Variants in SRD5A2 observed in about 807,000 individuals in gnomAD.
SRD5A2 encodes the protein 3-oxo-5-alpha-steroid 4-dehydrogenase 2.
Under a neutral mutation model 27.4 loss-of-function variants are expected in SRD5A2, and 30 were observed. The observed-to-expected ratio is 1.10, with a 90% CI of 0.82 to 1.49. SRD5A2 has a LOEUF of 1.49. Ranked by LOEUF, SRD5A2 falls within the 40% of genes most tolerant of loss-of-function variation. The pLI is 0.00. For synonymous variants in SRD5A2, 141 were observed against 133.6 expected (o/e 1.06, Z -0.38); for missense variants, 348 against 323.4 (o/e 1.08, Z -0.58).
At chr2:31,626,938 A>T in the SRD5A2 span, among the ~76,000 whole-genome samples, 2 of 152,152 alleles carry the variant, frequency 1.3e-5, no homozygotes. Flanking sequence ...GAATGGTACT[A>T]GCTCCTCTTT....
chr2:31,622,483 T>C, the SRD5A2 span, among the ~76,000 whole-genome samples: 1 of 152,096 alleles, frequency 6.6e-6, no homozygotes, highest in African/African-American at 2.4e-5. Context: ...CAGGTGAATA[T>C]GACGGAAGAG....
the SRD5A2 span, among the ~76,000 whole-genome samples, chr2:31,620,031 T>A: frequency 6.6e-6 from 1 of 152,172 alleles, no homozygotes; most frequent in Non-Finnish European, 1.5e-5. Flanking sequence ...ATGTCCTGAA[T>A]GGTATCGCTT....
the SRD5A2 span, among the ~76,000 whole-genome samples, chr2:31,609,540 T>G: frequency 6.6e-6 from 1 of 152,136 alleles, no homozygotes; most frequent in Non-Finnish European, 1.5e-5. Flanking sequence ...ACAAATGATG[T>G]TGGTACAACC....
At chr2:31,619,641 G>A in the SRD5A2 span, among the ~76,000 whole-genome samples, 1 of 152,022 alleles carries the variant, frequency 6.6e-6, no homozygotes, top group Non-Finnish European at 1.5e-5. Context: ...ATTCAGACTG[G>A]TGTGAGGTGA....
the SRD5A2 span, among the ~76,000 whole-genome samples, chr2:31,644,018 T>G: frequency 6.6e-6 from 1 of 152,180 alleles, no homozygotes; most frequent in East Asian, 1.9e-4. Context: ...AATTTATTAA[T>G]CATAGGGGAA....
the SRD5A2 span, among the ~76,000 whole-genome samples, chr2:31,623,077 C>T: frequency 2.6e-5 from 4 of 151,968 alleles, no homozygotes; most frequent in Admixed American, 6.6e-5. Flanking sequence ...TTCTGATTGC[C>T]GGCCACTATG....
At chr2:31,562,839 A>C (rs896980393) in intron 1 of SRD5A2, among the ~76,000 whole-genome samples, 2 of 152,148 alleles carry the variant, frequency 1.3e-5, no homozygotes, top group African/African-American at 4.8e-5. Flanking sequence ...AAAACAAATA[A>C]ATAAATGTCC....
At chr2:31,530,436 C>T (rs1347729370) in intron 3 of SRD5A2, among the ~76,000 whole-genome samples, 1 of 152,098 alleles carries the variant, frequency 6.6e-6, no homozygotes, top group African/African-American at 2.4e-5. Context: ...GGAGGAACCA[C>T]GGATCTAAAG....
At chr2:31,622,205 G>C in the SRD5A2 span, among the ~76,000 whole-genome samples, 1 of 152,054 alleles carries the variant, frequency 6.6e-6, no homozygotes, top group Non-Finnish European at 1.5e-5. Flanking sequence ...CCACTTATAA[G>C]TGAGAACATG....
At chr2:31,622,372 T>C in the SRD5A2 span, among the ~76,000 whole-genome samples, 1 of 152,106 alleles carries the variant, frequency 6.6e-6, no homozygotes, top group Non-Finnish European at 1.5e-5. Flanking sequence ...CAATCTATAA[T>C]TGATGGGCAT....
At chr2:31,584,919 T>C (rs916659800), upstream of SRD5A2, among the ~76,000 whole-genome samples, 1 of 152,252 alleles carries the variant, frequency 6.6e-6, no homozygotes, top group Non-Finnish European at 1.5e-5. Flanking sequence ...AGAAGGAGTC[T>C]TGAAGCACTG....
the SRD5A2 span, among the ~76,000 whole-genome samples, chr2:31,613,516 A>C: frequency 3.9e-5 from 6 of 152,228 alleles, no homozygotes; most frequent in South Asian, 1.2e-3. Flanking sequence ...AAATGATAAC[A>C]AATGTTGAAA....
chr2:31,547,874 G>A (rs1319495186), intron 1 of SRD5A2, among the ~76,000 whole-genome samples: 1 of 152,064 alleles, frequency 6.6e-6, no homozygotes, highest in East Asian at 1.9e-4. Flanking sequence ...TAGATAGATA[G>A]ATAGATAGAT....
the SRD5A2 span, among the ~76,000 whole-genome samples, chr2:31,591,751 C>T: frequency 0.2 from 6 of 30 alleles, no homozygotes; most frequent in Admixed American, 0.5. Context: ...GGAATAACTA[C>T]GCGCCATNAA....
At chr2:31,547,825 A>G (rs1034527401) in intron 1 of SRD5A2, among the ~76,000 whole-genome samples, 58 of 152,112 alleles carry the variant, frequency 3.8e-4, no homozygotes, top group African/African-American at 1.4e-3. Flanking sequence ...CAATTCCCCT[A>G]ATAAATCCTT....
intron 1 of SRD5A2, among the ~76,000 whole-genome samples, chr2:31,567,433 G>GT (rs1553327749): frequency 2.7e-5 from 4 of 145,554 alleles, no homozygotes; most frequent in African/African-American, 1.0e-4. Flanking sequence ...GGTGCAATTT[G>GT]GTGTGTGTGT....
chr2:31,647,622 C>T, the SRD5A2 span, among the ~76,000 whole-genome samples: 6 of 151,800 alleles, frequency 4.0e-5, no homozygotes, highest in Admixed American at 3.9e-4. Flanking sequence ...AAAATAACCC[C>T]CTCTCTCATC....
the SRD5A2 span, among the ~76,000 whole-genome samples, chr2:31,586,605 G>T: frequency 6.6e-6 from 1 of 152,186 alleles, no homozygotes; most frequent in African/African-American, 2.4e-5. Context: ...TATCTGCCTG[G>T]TAATCCAGAG....
chr2:31,627,836 G>A, the SRD5A2 span, among the ~76,000 whole-genome samples: 1 of 151,908 alleles, frequency 6.6e-6, no homozygotes. Context: ...CAAAGAATAT[G>A]GTAAGTATGA....
Sources: gnomAD v4.1 joint callset for allele counts (sites outside exome capture counted in the v4.1 genomes callset) on GRCh38, gnomAD v4.1.1 for gene constraint, MANE v1.5 for transcripts, NCBI Gene and HGNC (gene_info 2026-07-23, HGNC 2026-07-21) for gene names.